The following CARMIL1 variants were observed in gnomAD, a reference collection of about 807,000 sequenced individuals.
CARMIL1 encodes capping protein regulator and myosin 1 linker 1.
In CARMIL1, 90 loss-of-function variants were observed where a neutral mutation model predicts 177.1. The ratio of observed to expected loss-of-function variants is 0.51; its 90% CI spans 0.43 to 0.61. The LOEUF (loss-of-function observed/expected upper bound fraction) is 0.61. Among genes scored for constraint, CARMIL1 ranks in the 20% least tolerant of loss-of-function variants. CARMIL1 has a pLI of 0.00. For missense variants in CARMIL1, 1,380 were observed against 1,667.0 expected (o/e 0.83, Z 3.00); for synonymous variants, 577 against 606.2 (o/e 0.95, Z 0.71).
At chr6:25,543,714 A>G (rs1029573626) in intron 26 of CARMIL1, among the ~76,000 whole-genome samples, 2 of 152,144 alleles carry the variant, frequency 1.3e-5, no homozygotes, top group African/African-American at 4.8e-5. Flanking sequence ...TTTGTCAACT[A>G]TTAACTCAGT....
At position 25,600,334 on chromosome 6, in the gene CARMIL1, C is replaced by T; in HGVS notation, c.3140C>T (p.Ser1047Leu). The change falls in exon 33 of 37, where the codon TCA becomes TTA. Residue 1047 changes from serine to leucine, a missense_variant. Transcript: ENST00000329474. ...MDSKKWSTRG[S>L]ESHELNEGGD... Reference sequence around the variant, plus strand: ...TGCAGGAAATGGTCAACAAGAGGCTCAGAGTCCCATGAGCTTAATGAAGGA... The same window carrying T: ...TGCAGGAAATGGTCAACAAGAGGCTTAGAGTCCCATGAGCTTAATGAAGGA... 1 of 1,612,438 alleles carries T rather than the reference C, an allele frequency of 6.2e-7. No individual in the cohort carries two copies. The highest frequency in any genetic ancestry group is 8.5e-7 in the Non-Finnish European group (1 of 1,179,248).
At chr6:25,583,757 G>T (rs977404816) in intron 31 of CARMIL1, among the ~76,000 whole-genome samples, 1 of 151,972 alleles carries the variant, frequency 6.6e-6, no homozygotes, top group Non-Finnish European at 1.5e-5. Context: ...TATTCTTATA[G>T]GGATATACTT....
intron 2 of CARMIL1, among the ~76,000 whole-genome samples, chr6:25,404,395 G>A (rs1054143257): frequency 1.1e-4 from 16 of 152,220 alleles, no homozygotes; most frequent in East Asian, 5.8e-4. Flanking sequence ...TTGTTTGAAC[G>A]GGGTAGGGAC....
chr6:25,506,671 T>C (rs1397770006), intron 17 of CARMIL1, among the ~76,000 whole-genome samples: 1 of 152,246 alleles, frequency 6.6e-6, no homozygotes, highest in Non-Finnish European at 1.5e-5. Flanking sequence ...TGTCTAATCA[T>C]GTTTTCTGTC....
chr6:25,430,307 A>G (rs1796635004), intron 4 of CARMIL1, among the ~76,000 whole-genome samples: 1 of 150,656 alleles, frequency 6.6e-6, no homozygotes, highest in South Asian at 2.1e-4. Flanking sequence ...TTTCTCCTAT[A>G]TAGAGGAGGA....
At chr6:25,330,665 C>T (rs9379756) in intron 2 of CARMIL1, among the ~76,000 whole-genome samples, 11,962 of 144,788 alleles carry the variant, frequency 0.083, 644 homozygotes, top group East Asian at 0.3. Flanking sequence ...CATAGTGAGA[C>T]GCACCCCCCC....
chr6:25,595,277 GA>G (rs1814719604), intron 32 of CARMIL1, among the ~76,000 whole-genome samples: 1 of 152,046 alleles, frequency 6.6e-6, no homozygotes, highest in Non-Finnish European at 1.5e-5. Context: ...TTCTCACCTT[GA>G]GATATCAAAT....
At chr6:25,279,891 C>A (rs6914799) in intron 1 of CARMIL1, 56 bp downstream of exon 1, 1,109,951 of 1,578,588 alleles carry the variant, frequency 0.7, 393,821 homozygotes, top group South Asian at 0.87. Flanking sequence ...CCTCACCTCT[C>A]TCTCCCTTCC....
chr6:25,309,088 A>G (rs1437012965), intron 2 of CARMIL1, among the ~76,000 whole-genome samples: 3 of 151,796 alleles, frequency 2.0e-5, no homozygotes, highest in Admixed American at 2.0e-4. Context: ...GGGTCTCACT[A>G]TGTTGCCCAG....
At chr6:25,417,913 A>G (rs1390863286) in intron 2 of CARMIL1, among the ~76,000 whole-genome samples, 1 of 152,164 alleles carries the variant, frequency 6.6e-6, no homozygotes, top group Non-Finnish European at 1.5e-5. Context: ...TCACCTATTC[A>G]TGGCACATAG....
At chr6:25,296,911 ATCT>A (rs1222090583) in intron 2 of CARMIL1, among the ~76,000 whole-genome samples, 4 of 34,314 alleles carry the variant, frequency 1.2e-4, no homozygotes, top group Non-Finnish European at 2.0e-4. Flanking sequence ...CTATCTATCT[ATCT>A]ATCTATCTAT....
At chr6:25,462,512 A>G (rs1045557292) in intron 8 of CARMIL1, among the ~76,000 whole-genome samples, 4 of 152,148 alleles carry the variant, frequency 2.6e-5, no homozygotes, top group African/African-American at 9.7e-5. Context: ...TTTTTGCATC[A>G]GGCCCAGTGA....
intron 12 of CARMIL1, among the ~76,000 whole-genome samples, chr6:25,485,227 C>G (rs549627491): frequency 6.0e-4 from 92 of 152,248 alleles, no homozygotes; most frequent in African/African-American, 1.9e-3. Context: ...AGTGTGGTAA[C>G]AGTGGGGAGG....
intron 2 of CARMIL1, among the ~76,000 whole-genome samples, chr6:25,387,445 A>G (rs1210853204): frequency 6.6e-6 from 1 of 152,252 alleles, no homozygotes; most frequent in Non-Finnish European, 1.5e-5. Flanking sequence ...AGTTCAAGAC[A>G]AATGAAACAT....
At chr6:25,296,619 C>T (rs1051920156) in intron 2 of CARMIL1, among the ~76,000 whole-genome samples, 1 of 152,166 alleles carries the variant, frequency 6.6e-6, no homozygotes, top group Admixed American at 6.5e-5. Context: ...TGATGCCTAA[C>T]CTTATGGGGC....
rs548814537 is a variant in CARMIL1 at position 25,423,728 on chromosome 6, G to A, written c.190-2773G>A. ...TCTTGTGAGGGTTTGGGTGTGAGGT[G>A]AGCAAGAGATTGGTGGAAAAGCTAT... On this transcript the variant is annotated intron_variant, in intron 3 of 36. Transcript: ENST00000329474. 2.0e-5 allele frequency among the ~76,000 whole-genome samples: 3 copies of A among 152,260 alleles called. No individual in the cohort carries two copies. The East Asian group carries it at 5.8e-4, about 29-fold the overall frequency.
intron 24 of CARMIL1, among the ~76,000 whole-genome samples, chr6:25,529,545 G>GCGAGATGAAC (rs1807509682): frequency 6.6e-6 from 1 of 152,036 alleles, no homozygotes; most frequent in Non-Finnish European, 1.5e-5. Context: ...ATGAACAAAG[G>GCGAGATGAAC]AATTGAGCTC....
At chr6:25,311,701 G>A (rs1783832573) in intron 2 of CARMIL1, among the ~76,000 whole-genome samples, 1 of 151,780 alleles carries the variant, frequency 6.6e-6, no homozygotes, top group South Asian at 2.1e-4. Context: ...ACCTGCAAAG[G>A]TACACACCTA....
At position 25,440,675 on chromosome 6, in the gene CARMIL1, G is replaced by C. The variant is rs147854468; in HGVS notation, c.371+5071G>C. Among the ~76,000 whole-genome samples the C allele has an allele frequency of 4.1e-3, 629 of 152,050 alleles. 3 individuals are homozygous for C. Among genetic ancestry groups the C allele is most frequent in the African/African-American group, 0.014 (589 of 41,478 alleles). ...GCCTTAAGTCAAAGCTATCAGTCAG[G>C]GGAATATTTGTTTATATAAATAATG... On this transcript the variant is annotated intron_variant, in intron 5 of 36. Transcript: ENST00000329474.
Sources: allele counts gnomAD v4.1 joint callset (sites outside exome capture counted in the v4.1 genomes callset), GRCh38; gene constraint gnomAD v4.1.1; transcripts MANE v1.5; gene names NCBI Gene and HGNC (gene_info 2026-07-23, HGNC 2026-07-21).